Variants in ASIC2 observed in about 807,000 individuals in gnomAD.
ASIC2 encodes the protein acid sensing ion channel subunit 2.
In ASIC2, 25 loss-of-function variants were observed where a neutral mutation model predicts 57.3. The ratio of observed to expected loss-of-function variants is 0.44; its 90% CI spans 0.32 to 0.61. ASIC2 has a LOEUF of 0.61. Among genes scored for constraint, ASIC2 ranks in the 20% least tolerant of loss-of-function variants. The probability of loss-of-function intolerance (pLI) is 0.06; values close to 1 mark genes in which losing one functional copy is unlikely to be tolerated. For synonymous variants in ASIC2, 319 were observed against 307.5 expected (o/e 1.04, Z -0.39); for missense variants, 641 against 738.1 (o/e 0.87, Z 1.52).
intron 1 of ASIC2, among the ~76,000 whole-genome samples, chr17:33,154,259 C>T (rs1567765488): frequency 6.6e-6 from 1 of 152,196 alleles, no homozygotes; most frequent in Non-Finnish European, 1.5e-5. Flanking sequence ...TCATAGCTTA[C>T]TGCAACCTCA....
At position 33,574,280 on chromosome 17, in the gene ASIC2, T is replaced by C. The variant is rs567319880; in HGVS notation, c.556-462213A>G. Among the ~76,000 whole-genome samples, 3 of 152,354 alleles carry C rather than the reference T, an allele frequency of 2.0e-5. No homozygotes were observed. The East Asian group carries it at 5.8e-4, about 29-fold the overall frequency. On this transcript the variant is annotated intron_variant, in intron 1 of 9. Coordinates refer to the ASIC2 transcript ENST00000359872. ...GCCTTTGCTCTTGCTTTAATTTGCA[T>C]TCCCCTGATGATCCACCAGGCAGGG... is the stretch of plus-strand genomic sequence containing the variant.
chr17:33,615,768 A>C (rs776375354), intron 1 of ASIC2, among the ~76,000 whole-genome samples: 1 of 152,200 alleles, frequency 6.6e-6, no homozygotes, highest in Non-Finnish European at 1.5e-5. Context: ...AAAAACAATG[A>C]CACTAAACTG....
intron 1 of ASIC2, among the ~76,000 whole-genome samples, chr17:33,584,612 C>T (rs1419065465): frequency 6.6e-6 from 1 of 152,024 alleles, no homozygotes; most frequent in Non-Finnish European, 1.5e-5. Context: ...AGCAGCCAAC[C>T]AGGGCTGCTA....
chr17:34,077,327 C>T (rs542552889), intron 1 of ASIC2, among the ~76,000 whole-genome samples: 41 of 152,292 alleles, frequency 2.7e-4, no homozygotes, highest in Admixed American at 1.0e-3. Flanking sequence ...CTCCTGTGAT[C>T]GAGCCCCGGG....
chr17:33,326,115 T>G (rs536087555), intron 1 of ASIC2, among the ~76,000 whole-genome samples: 19 of 152,326 alleles, frequency 1.2e-4, no homozygotes, highest in African/African-American at 4.3e-4. Flanking sequence ...CATTTTTTGG[T>G]CATTTCAGAG....
chr17:33,292,027 G>A lies in ASIC2; in HGVS notation c.89C>T (p.Ala30Val). 8.5e-7 allele frequency: 1 copy of A among 1,174,662 alleles called. No homozygotes were observed. Among genetic ancestry groups the A allele is most frequent in the Non-Finnish European group, 1.0e-6 (1 of 956,672 alleles). 72.8% of individuals were successfully genotyped at this position (1,174,662 alleles called of 1,614,324 possible). A position where few individuals can be genotyped will look rare whatever the true frequency, so the allele number is the denominator to read the frequency against. Reference sequence around the variant, plus strand: ...GGGCTGCCCGGCAGCCGCCAACGCCGCGGGCGCCGGCTCCTCGCGGGCCAT... The same window carrying A: ...GGGCTGCCCGGCAGCCGCCAACGCCACGGGCGCCGGCTCCTCGCGGGCCAT... ...FRMAREEPAP[A>V]ALAAAGQPGG... The change falls in exon 1 of 10, where the codon GCG becomes GTG. Residue 30 changes from alanine to valine, a missense_variant. Physicochemically the swap from Ala to Val is moderately conservative, Grantham distance 64. Around this residue, in one of 3 missense-constraint regions of ASIC2, gnomAD observed 382 missense variants for 398.0 expected, o/e 0.96. Coordinates refer to ENST00000225823, the MANE Select transcript of ASIC2 (RefSeq NM_183377.2).
At chr17:33,222,392 G>A (rs1273509991) in intron 1 of ASIC2, among the ~76,000 whole-genome samples, 1 of 152,188 alleles carries the variant, frequency 6.6e-6, no homozygotes, top group African/African-American at 2.4e-5. Context: ...GAGATAGAAA[G>A]TAGATTAATG....
intron 1 of ASIC2, chr17:34,039,266 T>C (rs1401096924): frequency 1.2e-6 from 2 of 1,613,862 alleles, no homozygotes; most frequent in Non-Finnish European, 1.7e-6. Context: ...CTGTGCTGGA[T>C]GGAGATCTGT....
chr17:33,369,212 A>G (rs1283815824), intron 1 of ASIC2, among the ~76,000 whole-genome samples: 1 of 152,152 alleles, frequency 6.6e-6, no homozygotes, highest in East Asian at 1.9e-4. Context: ...CATAGACCCC[A>G]CTTCCCTAAG....
At chr17:33,734,130 G>T (rs1022194848) in intron 1 of ASIC2, among the ~76,000 whole-genome samples, 1 of 152,064 alleles carries the variant, frequency 6.6e-6, no homozygotes, top group African/African-American at 2.4e-5. Flanking sequence ...CTGCATCTGC[G>T]CCAGGCTCTC....
intron 1 of ASIC2, among the ~76,000 whole-genome samples, chr17:33,908,471 A>G (rs1915395333): frequency 6.6e-6 from 1 of 152,222 alleles, no homozygotes; most frequent in Non-Finnish European, 1.5e-5. Context: ...AAGGAGAGAC[A>G]GATGGTGAGA....
At chr17:33,822,490 T>C (rs1912775811) in intron 1 of ASIC2, among the ~76,000 whole-genome samples, 1 of 152,214 alleles carries the variant, frequency 6.6e-6, no homozygotes, top group Non-Finnish European at 1.5e-5. Context: ...TTTTAATAGA[T>C]CATTGAAGCA....
At chr17:33,277,672 C>T (rs1904760245) in intron 1 of ASIC2, among the ~76,000 whole-genome samples, 2 of 152,126 alleles carry the variant, frequency 1.3e-5, no homozygotes, top group Admixed American at 6.5e-5. Flanking sequence ...GTGCTAATTA[C>T]CCAGAATGGA....
At chr17:33,398,807 G>A (rs528747678) in intron 1 of ASIC2, among the ~76,000 whole-genome samples, 73 of 152,262 alleles carry the variant, frequency 4.8e-4, no homozygotes, top group African/African-American at 1.6e-3. Flanking sequence ...CTTGCCCGGG[G>A]CTACACAGCC....
At chr17:33,936,361 C>T (rs777335175) in intron 1 of ASIC2, 21 of 152,268 alleles carry the variant, frequency 1.4e-4, no homozygotes, top group African/African-American at 4.8e-4. Context: ...TTTTGGACTG[C>T]ACGTGGTCTC....
rs369483500 is a variant in ASIC2 at position 33,341,874 on chromosome 17, A to G, written c.556-229807T>C. On this transcript the variant is annotated intron_variant, in intron 1 of 9. Coordinates refer to the ASIC2 transcript ENST00000359872. Reference sequence around the variant, plus strand: ...GTTAAGTTGAAGGTTTGCCCTGGCTACTGATGCCCCTTTGTCATTCTCAGA... The same window carrying G: ...GTTAAGTTGAAGGTTTGCCCTGGCTGCTGATGCCCCTTTGTCATTCTCAGA... Among the ~76,000 whole-genome samples the G allele has an allele frequency of 4.6e-5, 7 of 152,304 alleles. No individual in the cohort carries two copies. The East Asian group carries it at 9.7e-4, about 21-fold the overall frequency.
chr17:33,866,460 C>T (rs1279096725), intron 1 of ASIC2, among the ~76,000 whole-genome samples: 1 of 152,018 alleles, frequency 6.6e-6, no homozygotes, highest in Non-Finnish European at 1.5e-5. Context: ...AAAAACAATG[C>T]TTCCATAAAT....
At chr17:33,171,875 C>A (rs926316944) in intron 1 of ASIC2, among the ~76,000 whole-genome samples, 1 of 152,170 alleles carries the variant, frequency 6.6e-6, no homozygotes, top group Non-Finnish European at 1.5e-5. Flanking sequence ...AAACCTTGTT[C>A]CGTCTGCCTG....
chr17:33,972,962 G>A (rs997911790), intron 1 of ASIC2, among the ~76,000 whole-genome samples: 2 of 152,244 alleles, frequency 1.3e-5, no homozygotes, highest in African/African-American at 2.4e-5. Flanking sequence ...CTGAAAGAGG[G>A]ATGTGCTGAC....
Sources: allele counts gnomAD v4.1 joint callset (sites outside exome capture counted in the v4.1 genomes callset), GRCh38; gene constraint gnomAD v4.1.1; regional missense constraint gnomAD v4.1.1; transcripts MANE v1.5; gene names NCBI Gene and HGNC (gene_info 2026-07-23, HGNC 2026-07-21).